BCAR3: variants seen among roughly 807,000 people sequenced by gnomAD.
BCAR3 encodes BCAR3 adaptor protein, NSP family member.
BCAR3 carries 37 observed loss-of-function variants against 80.1 expected under a neutral mutation model. The ratio of observed to expected loss-of-function variants is 0.46; its 90% confidence interval spans 0.36 to 0.61. BCAR3 has a LOEUF of 0.61. Among genes scored for constraint, BCAR3 ranks in the 20% least tolerant of loss-of-function variants. The pLI, the probability that BCAR3 is intolerant of heterozygous loss-of-function variation, is 0.00. For missense variants in BCAR3, 978 were observed against 1,068.2 expected (o/e 0.92, Z 1.18); for synonymous variants, 389 against 418.9 (o/e 0.93, Z 0.87).
chr1:93,727,283 C>T (rs142930526), intron 2 of BCAR3, among the ~76,000 whole-genome samples: 1 of 152,186 alleles, frequency 6.6e-6, no homozygotes, highest in Non-Finnish European at 1.5e-5. Context: ...AATGTGGCAG[C>T]CTTACCTTAC....
At chr1:93,810,511 C>T (rs924999884) in intron 2 of BCAR3, among the ~76,000 whole-genome samples, 1 of 152,138 alleles carries the variant, frequency 6.6e-6, no homozygotes, top group African/African-American at 2.4e-5. Flanking sequence ...AGGTCAGGAA[C>T]CCTAGGACAC....
intron 3 of BCAR3, among the ~76,000 whole-genome samples, chr1:93,611,043 G>C (rs918006481): frequency 6.6e-6 from 1 of 152,140 alleles, no homozygotes; most frequent in African/African-American, 2.4e-5. Context: ...CTGCGGAAAG[G>C]GTAAATTATT....
At chr1:93,756,737 C>T (rs1651762031) in intron 2 of BCAR3, among the ~76,000 whole-genome samples, 1 of 152,214 alleles carries the variant, frequency 6.6e-6, no homozygotes, top group Non-Finnish European at 1.5e-5. Context: ...ACTGTCCATG[C>T]TCCATAAGGA....
At chr1:93,597,209 C>T (rs1674452109) in intron 3 of BCAR3, among the ~76,000 whole-genome samples, 1 of 152,200 alleles carries the variant, frequency 6.6e-6, no homozygotes. Context: ...CATGGCCCCA[C>T]TTCGAAATGT....
chr1:93,688,902 G>A (rs6684568), intron 3 of BCAR3, among the ~76,000 whole-genome samples: 1 of 151,840 alleles, frequency 6.6e-6, no homozygotes, highest in Non-Finnish European at 1.5e-5. Context: ...CTCCCAAAGT[G>A]CTGGGATTAC....
chr1:93,664,254 G>A (rs1192052814), intron 2 of BCAR3, among the ~76,000 whole-genome samples: 1 of 152,112 alleles, frequency 6.6e-6, no homozygotes, highest in Non-Finnish European at 1.5e-5. Context: ...CAAATAGCTG[G>A]ACTTACAGAC....
chr1:93,601,824 G>A (rs938757325), intron 3 of BCAR3, among the ~76,000 whole-genome samples: 17 of 152,186 alleles, frequency 1.1e-4, no homozygotes, highest in Non-Finnish European at 2.4e-4. Flanking sequence ...GGCTGGAGAA[G>A]GAGCAAGCTA....
chr1:93,840,990 G>C (rs1654941439), intron 2 of BCAR3, among the ~76,000 whole-genome samples: 1 of 152,136 alleles, frequency 6.6e-6, no homozygotes, highest in Admixed American at 6.6e-5. Flanking sequence ...ACTCCCCCAA[G>C]ATGCTTATTG....
intron 2 of BCAR3, among the ~76,000 whole-genome samples, chr1:93,758,297 T>C (rs530033950): frequency 1.3e-5 from 2 of 152,284 alleles, no homozygotes; most frequent in Admixed American, 6.5e-5. Flanking sequence ...GCCTGATCCA[T>C]CAGGATACAG....
chr1:93,814,932 G>A (rs1653964721), intron 2 of BCAR3, among the ~76,000 whole-genome samples: 1 of 152,208 alleles, frequency 6.6e-6, no homozygotes, highest in South Asian at 2.1e-4. Context: ...CACATTTTCT[G>A]TACAACCTCA....
At chr1:93,819,890 GAC>G (rs1654156154) in intron 2 of BCAR3, among the ~76,000 whole-genome samples, 1 of 152,160 alleles carries the variant, frequency 6.6e-6, no homozygotes, top group Admixed American at 6.5e-5. Context: ...ATACCTGATA[GAC>G]AGTTTTCTGA....
intron 2 of BCAR3, among the ~76,000 whole-genome samples, chr1:93,763,435 A>C (rs1237355708): frequency 2.0e-5 from 3 of 152,228 alleles, no homozygotes; most frequent in Non-Finnish European, 4.4e-5. Flanking sequence ...AAATGTGTTG[A>C]AATCTCACAA....
At chr1:93,572,697 T>TTTCTTCCAGGCTGTGGTTCAG (rs1553226710) in intron 8 of BCAR3, among the ~76,000 whole-genome samples, 1 of 152,228 alleles carries the variant, frequency 6.6e-6, no homozygotes, top group Non-Finnish European at 1.5e-5. Context: ...ATTGCCTCAG[T>TTTCTTCCAGGCTGTGGTTCAG]TTCTTCCAGG....
rs537300575 is a variant in BCAR3, at chr1:93,826,555, A to G, written c.-63+19012T>C. Among the ~76,000 whole-genome samples the G allele has an allele frequency of 1.3e-3, 203 of 152,250 alleles. 3 individuals are homozygous for G. Among genetic ancestry groups the G allele is most frequent in the Non-Finnish European group, 4.0e-4 (27 of 68,034 alleles). On this transcript the variant is annotated intron_variant, in intron 2 of 13. Transcript: ENST00000370244. ...GTATTCATTCATACTTCATTTACTG[A>G]GGGCCTACCGTGTGCAGGAAGTGAT...
At chr1:93,844,183 T>C (rs1056431864) in intron 2 of BCAR3, among the ~76,000 whole-genome samples, 1 of 152,168 alleles carries the variant, frequency 6.6e-6, no homozygotes, top group African/African-American at 2.4e-5. Flanking sequence ...GGCACGTGCC[T>C]GTAATCCCAG....
At chr1:93,708,283 A>AGCACC (rs1649893772) in intron 2 of BCAR3, among the ~76,000 whole-genome samples, 1 of 152,214 alleles carries the variant, frequency 6.6e-6, no homozygotes, top group Non-Finnish European at 1.5e-5. Flanking sequence ...TCACAGAACA[A>AGCACC]TTAAACCCCT....
In BCAR3 at chr1:93,659,222, C is replaced by A. The variant is rs1339191108; in HGVS notation, c.317+15392G>T. On this transcript the variant is annotated intron_variant, in intron 2 of 11. Transcript: ENST00000260502. The stretch of plus-strand genomic sequence containing the variant: ...GTTGAGACAGGGCCTTGCTGTTGCC[C>A]AGGCTGGAGTGCAGTGGTGCAACAT... Among the ~76,000 whole-genome samples, 3 of 152,274 alleles carry A rather than the reference C, an allele frequency of 2.0e-5. No individual in the cohort carries two copies. The East Asian group carries it at 5.8e-4, about 29-fold the overall frequency.
At chr1:93,688,929 G>T (rs979197286) in intron 3 of BCAR3, among the ~76,000 whole-genome samples, 1 of 152,128 alleles carries the variant, frequency 6.6e-6, no homozygotes, top group Non-Finnish European at 1.5e-5. Context: ...GAGCCACCAT[G>T]CCTGGCCAGC....
chr1:93,671,807 CTTA>C (rs1648211817), intron 2 of BCAR3, among the ~76,000 whole-genome samples: 1 of 151,928 alleles, frequency 6.6e-6, no homozygotes, highest in Non-Finnish European at 1.5e-5. Context: ...AGCTTATAAT[CTTA>C]TTAAGAATAC....
Sources: allele counts gnomAD v4.1 joint callset (sites outside exome capture counted in the v4.1 genomes callset), GRCh38; gene constraint gnomAD v4.1.1; transcripts MANE v1.5; gene names NCBI Gene and HGNC (gene_info 2026-07-23, HGNC 2026-07-21).